USP25: variants seen among roughly 807,000 people sequenced by gnomAD.
The protein encoded by USP25 is ubiquitin specific peptidase 25, also known as ubiquitin carboxyl-terminal hydrolase 25.
In USP25, 85 loss-of-function variants were observed where a neutral mutation model predicts 158.5. The ratio of observed to expected loss-of-function variants is 0.54; its 90% CI spans 0.45 to 0.64. The LOEUF is 0.64. Ranked by LOEUF, USP25 falls within the 30% of genes least tolerant of loss-of-function variation. USP25 has a pLI of 0.00. For synonymous variants in USP25, 464 were observed against 460.4 expected (o/e 1.01, Z -0.10); for missense variants, 1,242 against 1,327.3 (o/e 0.94, Z 1.00).
intron 19 of USP25, 32 bp from the exon 20 acceptor site, chr21:15,849,745 C>CT: frequency 2.7e-6 from 4 of 1,470,880 alleles, no homozygotes; most frequent in Admixed American, 2.7e-5. Flanking sequence ...GTTTAAAAAC[C>CT]TTTTTTTAAT....
At chr21:15,785,305 G>C (rs553945539) in intron 4 of USP25, among the ~76,000 whole-genome samples, 161 of 152,176 alleles carry the variant, frequency 1.1e-3, no homozygotes, top group African/African-American at 3.7e-3. Flanking sequence ...CAATAGTAGG[G>C]ACTTCAGCAT....
At chr21:15,765,272 T>C (rs9984939) in intron 2 of USP25, among the ~76,000 whole-genome samples, 4,178 of 152,224 alleles carry the variant, frequency 0.027, 198 homozygotes, top group African/African-American at 0.092. Context: ...GTGCAGAGAA[T>C]ATAAAGATGT....
intron 1 of USP25, among the ~76,000 whole-genome samples, chr21:15,747,032 C>T (rs1402616468): frequency 6.6e-6 from 1 of 152,166 alleles, no homozygotes; most frequent in African/African-American, 2.4e-5. Flanking sequence ...AACCATTCTA[C>T]AGTTAAACTA....
chr21:15,782,934 G>A (rs1210349535), intron 4 of USP25, among the ~76,000 whole-genome samples: 2 of 152,068 alleles, frequency 1.3e-5, no homozygotes, highest in African/African-American at 4.8e-5. Context: ...TGAAATGCAT[G>A]AAAAATAATT....
chr21:15,818,906 C>A, intron 10 of USP25, 60 bp downstream of exon 10: 6 of 1,547,206 alleles, frequency 3.9e-6, no homozygotes, highest in Non-Finnish European at 4.4e-6. Context: ...AATGCTATAG[C>A]ACAATGTAAG....
intron 6 of USP25, 30 bp downstream of exon 6, chr21:15,799,873 A>G (rs534150625): frequency 9.4e-6 from 14 of 1,493,666 alleles, no homozygotes; most frequent in Middle Eastern, 1.8e-4. Flanking sequence ...TTTAAGCAGT[A>G]TATATACTCT....
chr21:15,801,443 C>T (rs1217881200), intron 6 of USP25, among the ~76,000 whole-genome samples: 1 of 151,496 alleles, frequency 6.6e-6, no homozygotes, highest in African/African-American at 2.4e-5. Context: ...TTCTCACTTC[C>T]ATTCTGAGAC....
At chr21:15,874,588 A>T in intron 24 of USP25, 62 bp downstream of exon 24, 2 of 1,491,540 alleles carry the variant, frequency 1.3e-6, no homozygotes, top group South Asian at 2.7e-5. Context: ...AGTTTTCCAG[A>T]CTCATATATA....
In USP25 at chr21:15,851,116, T is replaced by TA. The variant is rs766082727; in HGVS notation, c.2547+1254dup. Among the ~76,000 whole-genome samples, 982 of 148,940 alleles carry TA rather than the reference T, an allele frequency of 6.6e-3. 8 individuals are homozygous for TA. The highest frequency in any genetic ancestry group is 0.01 in the Non-Finnish European group (695 of 66,918). ...CCAGATAGTCTACATTTTCTTTTCT[T>TA]AAAAAAAAAACACTGAATATATGTC... On this transcript the variant is annotated intron_variant, in intron 20 of 25. Transcript: ENST00000400183.
At chr21:15,803,077 A>G (rs9975190) in intron 6 of USP25, among the ~76,000 whole-genome samples, 4,146 of 151,826 alleles carry the variant, frequency 0.027, 197 homozygotes, top group African/African-American at 0.092. Context: ...GTGAAGAAAT[A>G]GATAACCTGT....
At chr21:15,828,177 A>T (rs1248894493) in intron 14 of USP25, among the ~76,000 whole-genome samples, 2 of 152,182 alleles carry the variant, frequency 1.3e-5, no homozygotes, top group East Asian at 3.9e-4. Context: ...ATAAGGTATG[A>T]TGGTGACTAA....
chr21:15,877,331 A>G (rs1191085372), intron 24 of USP25: 1 of 152,402 alleles, frequency 6.6e-6, no homozygotes, highest in Admixed American at 6.5e-5. Flanking sequence ...TTGAAGGGAA[A>G]AGTGAATTGA....
At chr21:15,848,916 A>G (rs1475064830) in intron 19 of USP25, among the ~76,000 whole-genome samples, 3 of 152,318 alleles carry the variant, frequency 2.0e-5, no homozygotes, top group African/African-American at 7.2e-5. Context: ...AGATAGCTTC[A>G]TAGGGCTTTG....
intron 20 of USP25, among the ~76,000 whole-genome samples, chr21:15,861,118 C>G (rs897231016): frequency 6.6e-6 from 1 of 151,920 alleles, no homozygotes; most frequent in African/African-American, 2.4e-5. Context: ...TGAACAAGGT[C>G]TCAAAAGCAT....
intron 9 of USP25, among the ~76,000 whole-genome samples, chr21:15,813,971 G>A (rs1421014129): frequency 6.6e-6 from 1 of 151,656 alleles, no homozygotes; most frequent in Non-Finnish European, 1.5e-5. Context: ...TCCGTGTGTT[G>A]TGGGAGGGAC....
chr21:15,853,055 A>G (rs1275891024), intron 20 of USP25, among the ~76,000 whole-genome samples: 2 of 152,174 alleles, frequency 1.3e-5, no homozygotes, highest in African/African-American at 4.8e-5. Flanking sequence ...ACTAACAATG[A>G]CAGTCTCTGC....
intron 17 of USP25, among the ~76,000 whole-genome samples, chr21:15,836,128 G>A (rs2038052529): frequency 6.6e-6 from 1 of 152,052 alleles, no homozygotes; most frequent in East Asian, 1.9e-4. Context: ...AGTATTACCA[G>A]TGACTAGTGG....
intron 17 of USP25, 134 bp downstream of exon 17, chr21:15,833,682 A>G: frequency 2.6e-6 from 2 of 782,524 alleles, no homozygotes; most frequent in Non-Finnish European, 2.0e-6. Context: ...TCCATCACTC[A>G]GATTATCACA....
chr21:15,857,342 G>A (rs886187425), intron 20 of USP25, among the ~76,000 whole-genome samples: 1 of 151,918 alleles, frequency 6.6e-6, no homozygotes, highest in African/African-American at 2.4e-5. Context: ...GAACACTTGC[G>A]TGAACATAGC....
Sources: allele counts gnomAD v4.1 joint callset (sites outside exome capture counted in the v4.1 genomes callset), GRCh38; gene constraint gnomAD v4.1.1; transcripts MANE v1.5; gene names NCBI Gene and HGNC (gene_info 2026-07-23, HGNC 2026-07-21).